The following PTGER3 variants were observed in gnomAD, a reference collection of about 807,000 sequenced individuals.
PTGER3 encodes prostaglandin E2 receptor EP3 subtype.
Under a neutral mutation model 34.7 loss-of-function variants are expected in PTGER3, and 22 were observed. That is an observed-to-expected ratio of 0.63 (90% CI 0.45 to 0.91). The LOEUF is 0.91. PTGER3 is among the 40% of genes least tolerant of loss of function. PTGER3 has a pLI of 0.00. For synonymous variants in PTGER3, 241 were observed against 230.1 expected (o/e 1.05, Z -0.43); for missense variants, 468 against 519.4 (o/e 0.90, Z 0.96).
chr1:71,016,093 C>G (rs1393975361), intron 1 of PTGER3, among the ~76,000 whole-genome samples: 7 of 152,140 alleles, frequency 4.6e-5, no homozygotes, highest in Non-Finnish European at 1.0e-4. Flanking sequence ...CCACCACACT[C>G]AATTAATATT....
At position 70,984,451 on chromosome 1, in the gene PTGER3, A is replaced by G. The variant is rs138767880; in HGVS notation, c.1078-10063T>C. On this transcript the variant is annotated intron_variant, in intron 2 of 3. Transcript: ENST00000306666. Reference sequence around the variant, plus strand: ...CTAACTATTCAAAATTGCTCTACTAATAAAACAATAAGGGTAACTCTGCAA... The same window carrying G: ...CTAACTATTCAAAATTGCTCTACTAGTAAAACAATAAGGGTAACTCTGCAA... Among the ~76,000 whole-genome samples the G allele has an allele frequency of 1.3e-4, 20 of 152,114 alleles. 1 individual carries two copies. The East Asian group carries it at 3.7e-3, about 28-fold the overall frequency.
chr1:71,008,062 A>G (rs1657119905), intron 2 of PTGER3: 1 of 983,528 alleles, frequency 1.0e-6, no homozygotes, highest in East Asian at 1.1e-4. Context: ...TGAAGTTATT[A>G]TCTCTCCTCT....
chr1:70,882,134 G>A (rs1257143169), intron 4 of PTGER3, among the ~76,000 whole-genome samples: 2 of 152,236 alleles, frequency 1.3e-5, no homozygotes, highest in African/African-American at 4.8e-5. Flanking sequence ...AAAAAGGCAG[G>A]CTTTGCCTGC....
intron 4 of PTGER3, among the ~76,000 whole-genome samples, chr1:70,902,025 A>G (rs1303984077): frequency 1.3e-5 from 2 of 152,172 alleles, no homozygotes; most frequent in African/African-American, 4.8e-5. Flanking sequence ...GATATCCGAA[A>G]TATCAGTTAT....
chr1:71,008,208 A>G (rs1657134565), intron 2 of PTGER3: 5 of 945,106 alleles, frequency 5.3e-6, no homozygotes, highest in Non-Finnish European at 6.3e-6. Flanking sequence ...ATAATCTAGT[A>G]GATATCTGGG....
chr1:70,952,584 T>G (rs747903166), exon 4 of PTGER3: 8 of 1,009,026 alleles, frequency 7.9e-6, no homozygotes, highest in Non-Finnish European at 9.5e-6. Context: ...ACTCTTGCAT[T>G]TCTTCCAGAG....
intron 4 of PTGER3, among the ~76,000 whole-genome samples, chr1:70,946,982 G>A (rs1341218826): frequency 1.3e-5 from 2 of 152,018 alleles, no homozygotes; most frequent in Admixed American, 6.6e-5. Context: ...GGATAGCACG[G>A]TACATTAGAA....
chr1:70,892,221 TG>T (rs1347983843), intron 4 of PTGER3, among the ~76,000 whole-genome samples: 1 of 152,224 alleles, frequency 6.6e-6, no homozygotes, highest in African/African-American at 2.4e-5. Context: ...GCTGTTGCTT[TG>T]GGGCATATTC....
At chr1:70,982,989 T>A (rs1162009005) in intron 2 of PTGER3, among the ~76,000 whole-genome samples, 1 of 152,048 alleles carries the variant, frequency 6.6e-6, no homozygotes, top group Non-Finnish European at 1.5e-5. Context: ...CACAAATTTC[T>A]AAAAAGAGGC....
intron 4 of PTGER3, among the ~76,000 whole-genome samples, chr1:70,904,911 T>G (rs1232476391): frequency 6.6e-6 from 1 of 152,160 alleles, no homozygotes; most frequent in Non-Finnish European, 1.5e-5. Context: ...CTCAGAGGTC[T>G]TCACAGCAGC....
exon 4 of PTGER3, chr1:70,952,946 A>T: frequency 1.9e-6 from 3 of 1,613,096 alleles, no homozygotes; most frequent in Non-Finnish European, 2.5e-6. Flanking sequence ...TGTACACATT[A>T]ATGCTGCTCA....
intron 2 of PTGER3, among the ~76,000 whole-genome samples, chr1:70,956,212 T>C (rs1397870622): frequency 1.3e-5 from 2 of 152,182 alleles, no homozygotes. Context: ...TTACAGGCAT[T>C]TATATTTATA....
In PTGER3 at chr1:70,932,491, G is replaced by T. The variant is rs574963852; in HGVS notation, c.*23+21272C>A. On this transcript the variant is annotated intron_variant, in intron 4 of 4. Transcript: ENST00000370931. ...CTGGGAAGAAAAAGAGGCTTAATTG[G>T]ATTTACAGTGCTACATGGCTGAGGA... Among the ~76,000 whole-genome samples the T allele has an allele frequency of 1.2e-4, 18 of 152,212 alleles. 1 individual carries two copies. Among genetic ancestry groups the T allele is most frequent in the Admixed American group, 1.2e-3 (18 of 15,278 alleles).
At chr1:70,869,241 C>G in intron 4 of PTGER3, 1 of 469,430 alleles carries the variant, frequency 2.1e-6, no homozygotes, top group Non-Finnish European at 4.4e-6. Flanking sequence ...AGAACTCACT[C>G]ACTATCATGA....
intron 1 of PTGER3, among the ~76,000 whole-genome samples, chr1:71,019,054 A>G (rs998042221): frequency 6.6e-6 from 1 of 152,224 alleles, no homozygotes; most frequent in African/African-American, 2.4e-5. Flanking sequence ...ACATAAATTC[A>G]AATTAGCATC....
At chr1:71,006,806 A>G in intron 2 of PTGER3, 1 of 985,440 alleles carries the variant, frequency 1.0e-6, no homozygotes, top group Non-Finnish European at 1.2e-6. Context: ...TAACATAGTT[A>G]TAGGTAAAGT....
chr1:70,857,401 T>G, intron 4 of PTGER3, among the ~76,000 whole-genome samples: 1 of 152,170 alleles, frequency 6.6e-6, no homozygotes, highest in Non-Finnish European at 1.5e-5. Context: ...TCCACTGTCA[T>G]TCAAATTTTT....
intron 3 of PTGER3, 23 bp from the exon 4 acceptor site, chr1:70,971,756 A>C: frequency 6.7e-7 from 1 of 1,483,960 alleles, no homozygotes; most frequent in Non-Finnish European, 9.2e-7. Context: ...AGAGAGAAAG[A>C]TGCAATAAGC....
Position 70,992,019 on chromosome 1 carries a change from A to G in PTGER3, c.1078-17631T>C, listed in dbSNP as rs1655526142. On this transcript the variant is annotated intron_variant, in intron 2 of 3. Transcript: ENST00000306666. The stretch of plus-strand genomic sequence containing the variant: ...TATCAAGCACTTTTCTAAAAGCTTT[A>G]CACATTTTAGCTCATTTGATGTTCA... Among the ~76,000 whole-genome samples, 9 of 152,220 alleles carry G rather than the reference A, an allele frequency of 5.9e-5. 1 individual carries two copies. The highest frequency in any genetic ancestry group is 5.9e-4 in the Admixed American group (9 of 15,282).
Sources: gnomAD v4.1 joint callset for allele counts (sites outside exome capture counted in the v4.1 genomes callset) on GRCh38, gnomAD v4.1.1 for gene constraint, MANE v1.5 for transcripts, NCBI Gene and HGNC (gene_info 2026-07-23, HGNC 2026-07-21) for gene names.